The following RP1 variants were observed in gnomAD, a reference collection of about 807,000 sequenced individuals.
RP1 encodes RP1 axonemal microtubule associated.
RP1 carries 16 observed loss-of-function variants against 14.8 expected under a neutral mutation model. The observed-to-expected ratio is 1.08, with a 90% CI of 0.73 to 1.65. RP1 has a LOEUF of 1.65. Among genes scored for constraint, RP1 ranks in the 40% most tolerant of loss-of-function variants. RP1 has a pLI of 0.00. For synonymous variants in RP1, 876 were observed against 883.6 expected (o/e 0.99, Z 0.15); for missense variants, 2,631 against 2,535.0 (o/e 1.04, Z -0.81).
At chr8:54,802,768 T>A (rs938631500) in intron 24 of RP1, among the ~76,000 whole-genome samples, 7 of 152,166 alleles carry the variant, frequency 4.6e-5, no homozygotes, top group African/African-American at 1.4e-4. Flanking sequence ...ACAGGCAAGA[T>A]GCCAGAAGTG....
In RP1 at chr8:54,814,924, G is replaced by A. The variant is rs560804778; in HGVS notation, c.3616-22526G>A. On this transcript the variant is annotated intron_variant, in intron 24 of 28. Coordinates refer to the RP1 transcript ENST00000637698. ...TAGAATTTTGTCGTTTGTGAGAATG[G>A]CTTGAACCTAGGAGGCAGAGGTTGC... 5.3e-5 allele frequency among the ~76,000 whole-genome samples: 8 copies of A among 152,314 alleles called. No homozygotes were observed. The East Asian group carries it at 1.5e-3, about 29-fold the overall frequency.
chr8:54,827,965 G>A (rs949548667), intron 24 of RP1, among the ~76,000 whole-genome samples: 2 of 151,694 alleles, frequency 1.3e-5, no homozygotes, highest in Admixed American at 6.6e-5. Flanking sequence ...AGATATAGAT[G>A]GACACATTAG....
At chr8:54,605,188 T>G (rs1805398167) in intron 1 of RP1, among the ~76,000 whole-genome samples, 1 of 152,226 alleles carries the variant, frequency 6.6e-6, no homozygotes, top group Non-Finnish European at 1.5e-5. Flanking sequence ...TGCTATAAAT[T>G]TCCCTCTACA....
At chr8:54,675,514 A>G (rs1294813538) in intron 8 of RP1, among the ~76,000 whole-genome samples, 1 of 152,186 alleles carries the variant, frequency 6.6e-6, no homozygotes, top group Non-Finnish European at 1.5e-5. Context: ...AAGCACTTTC[A>G]TTTCAAAACT....
At chr8:54,849,392 CT>C (rs1471407771) in intron 25 of RP1, among the ~76,000 whole-genome samples, 1 of 152,098 alleles carries the variant, frequency 6.6e-6, no homozygotes, top group Non-Finnish European at 1.5e-5. Context: ...GCACATCCCT[CT>C]CCTAAACTTC....
chr8:54,836,647 G>T (rs1366569317), intron 24 of RP1, among the ~76,000 whole-genome samples: 1 of 152,162 alleles, frequency 6.6e-6, no homozygotes, highest in Non-Finnish European at 1.5e-5. Context: ...GGAAGCGGAA[G>T]CTTCCCCAGA....
rs1315658881 is a variant in RP1, at chr8:54,630,157, A to G, written c.6275A>G (p.Asn2092Ser). The stretch of plus-strand genomic sequence containing the variant: ...AACCAAGTAGTAAGAGAAAATATCA[A>G]CTGTCATTACTTCTTTGAAATGCTT... Reference protein sequence around the residue: ...NLNQVVRENINCHYFFEMLGQ... With the variant: ...NLNQVVRENISCHYFFEMLGQ... Residue 2092 changes from asparagine (N) to serine (S), a missense_variant, in exon 4 of 4, where the codon AAC becomes AGC. Physicochemically the swap from Asn to Ser is conservative, Grantham distance 46. Transcript: ENST00000220676. 1.9e-6 allele frequency: 3 copies of G among 1,613,670 alleles called. No homozygotes were observed. The highest frequency in any genetic ancestry group is 2.2e-5 in the East Asian group (1 of 44,842).
chr8:54,593,726 A>G lies in RP1; in HGVS notation c.-12-27229A>G, dbSNP rs56000625. On this transcript the variant is annotated intron_variant, in intron 1 of 22. Coordinates refer to the RP1 transcript ENST00000636932. Reference sequence around the variant, plus strand: ...GTAAAGGGTAGGGCCGTCAATGACCACTCAGTCTGAACTTGTGCTTAGTCT... The same window carrying G: ...GTAAAGGGTAGGGCCGTCAATGACCGCTCAGTCTGAACTTGTGCTTAGTCT... Among the ~76,000 whole-genome samples, 1,297 of 152,266 alleles carry G rather than the reference A, an allele frequency of 8.5e-3. 20 individuals carry two copies. Among genetic ancestry groups the G allele is most frequent in the African/African-American group, 0.03 (1,228 of 41,542 alleles).
chr8:54,734,442 C>A, intron 17 of RP1: 1 of 1,116,296 alleles, frequency 9.0e-7, no homozygotes. Flanking sequence ...CTTGCTTCAC[C>A]CTACCCTGCC....
intron 1 of RP1, chr8:54,560,235 T>C (rs944822315): frequency 6.6e-5 from 10 of 152,044 alleles, no homozygotes; most frequent in African/African-American, 2.4e-4. Flanking sequence ...GATGGGGAAG[T>C]TGGGTGAGAT....
chr8:54,709,533 CAT>C (rs1338368845), intron 15 of RP1, among the ~76,000 whole-genome samples: 7 of 152,236 alleles, frequency 4.6e-5, no homozygotes, highest in African/African-American at 1.7e-4. Flanking sequence ...AAGCCAGAGG[CAT>C]TTATTCTGTT....
At chr8:54,568,011 A>T (rs958025815) in intron 1 of RP1, among the ~76,000 whole-genome samples, 3 of 152,154 alleles carry the variant, frequency 2.0e-5, no homozygotes, top group Admixed American at 2.0e-4. Flanking sequence ...GGTATGGTGG[A>T]CCTACAGTGC....
chr8:54,745,847 A>G (rs550652702), intron 19 of RP1, among the ~76,000 whole-genome samples: 1 of 152,028 alleles, frequency 6.6e-6, no homozygotes, highest in South Asian at 2.1e-4. Flanking sequence ...ATCCATATCG[A>G]CTCTTTCATA....
At chr8:54,727,323 C>G (rs1808680552) in intron 17 of RP1, among the ~76,000 whole-genome samples, 1 of 152,014 alleles carries the variant, frequency 6.6e-6, no homozygotes, top group Non-Finnish European at 1.5e-5. Context: ...AAGAATCACA[C>G]TGAATGAGAA....
intron 19 of RP1, among the ~76,000 whole-genome samples, chr8:54,743,159 G>A (rs1809140116): frequency 6.6e-6 from 1 of 152,144 alleles, no homozygotes; most frequent in Non-Finnish European, 1.5e-5. Flanking sequence ...ATGGAAGAAA[G>A]AACTCAAATT....
At chr8:54,821,365 A>G (rs1288643158) in intron 24 of RP1, among the ~76,000 whole-genome samples, 1 of 152,218 alleles carries the variant, frequency 6.6e-6, no homozygotes, top group Non-Finnish European at 1.5e-5. Flanking sequence ...ACAGGTGGAC[A>G]TCCAAAAAAA....
At chr8:54,844,146 G>A (rs1381926491) in intron 25 of RP1, among the ~76,000 whole-genome samples, 1 of 152,140 alleles carries the variant, frequency 6.6e-6, no homozygotes, top group African/African-American at 2.4e-5. Context: ...ATGAAAGAAA[G>A]TGTCCTGAGA....
intron 24 of RP1, among the ~76,000 whole-genome samples, chr8:54,821,677 A>C (rs1034257488): frequency 2.4e-4 from 36 of 152,220 alleles, no homozygotes; most frequent in African/African-American, 8.0e-4. Context: ...ACTGGAAAAA[A>C]AAAATTAGTA....
chr8:54,643,599 G>T (rs1806492156), intron 3 of RP1, among the ~76,000 whole-genome samples: 1 of 152,162 alleles, frequency 6.6e-6, no homozygotes, highest in African/African-American at 2.4e-5. Flanking sequence ...CCTCTTGTTT[G>T]CTGGGGCTTC....
Sources: allele counts gnomAD v4.1 joint callset (sites outside exome capture counted in the v4.1 genomes callset), GRCh38; gene constraint gnomAD v4.1.1; transcripts MANE v1.5; gene names NCBI Gene and HGNC (gene_info 2026-07-23, HGNC 2026-07-21).